Variants in KDM4C observed in about 807,000 individuals in gnomAD.
The protein encoded by KDM4C is lysine demethylase 4C.
Under a neutral mutation model 129.3 loss-of-function variants are expected in KDM4C, and 81 were observed. That is an observed-to-expected ratio of 0.63 (90% CI 0.52 to 0.75). The LOEUF is 0.75. Among genes scored for constraint, KDM4C ranks in the 30% least tolerant of loss-of-function variants. The pLI is 0.00. For synonymous variants in KDM4C, 573 were observed against 456.1 expected (o/e 1.26, Z -3.26); for missense variants, 1,457 against 1,304.0 (o/e 1.12, Z -1.81).
At chr9:6,950,060 G>C (rs1324503856) in intron 8 of KDM4C, among the ~76,000 whole-genome samples, 2 of 131,120 alleles carry the variant, frequency 1.5e-5, no homozygotes, top group Non-Finnish European at 3.2e-5. Flanking sequence ...TTTTTTTTTG[G>C]TGGAGTATCT....
chr9:7,067,529 C>T (rs759342699), intron 17 of KDM4C, among the ~76,000 whole-genome samples: 2 of 152,164 alleles, frequency 1.3e-5, no homozygotes, highest in Non-Finnish European at 2.9e-5. Flanking sequence ...AGGTGCAGGG[C>T]AACTCCAAAG....
rs7857714 is a variant in KDM4C at position 6,865,165 on chromosome 9, C to T, written c.630-14847C>T. Among the ~76,000 whole-genome samples, 508 of 152,004 alleles carry T rather than the reference C, an allele frequency of 3.3e-3. 2 individuals carry two copies. Among genetic ancestry groups the T allele is most frequent in the African/African-American group, 0.012 (478 of 41,466 alleles). On this transcript the variant is annotated intron_variant, in intron 5 of 21. Transcript: ENST00000381309. ...CTGGGACTGCAGGTGCCCGCCACCA[C>T]ACCTGGCTAATTTTTTGTATTTTTA...
chr9:6,967,346 C>T (rs1429952679), intron 8 of KDM4C, among the ~76,000 whole-genome samples: 1 of 151,456 alleles, frequency 6.6e-6, no homozygotes, highest in Admixed American at 6.6e-5. Flanking sequence ...ATCACTTGAG[C>T]CCAGGAGGCG....
intron 17 of KDM4C, among the ~76,000 whole-genome samples, chr9:7,080,286 C>A (rs1267611702): frequency 6.6e-6 from 1 of 152,146 alleles, no homozygotes; most frequent in African/African-American, 2.4e-5. Context: ...TGGAGTTGAC[C>A]TGCAAAGAGA....
At chr9:6,864,674 C>G (rs1484194458) in intron 5 of KDM4C, among the ~76,000 whole-genome samples, 2 of 151,082 alleles carry the variant, frequency 1.3e-5, no homozygotes, top group African/African-American at 2.4e-5. Flanking sequence ...TTATCTTTTT[C>G]TAGTTTTGGA....
At chr9:7,014,472 G>A (rs567081134) in intron 14 of KDM4C, 2 of 153,954 alleles carry the variant, frequency 1.3e-5, no homozygotes, top group South Asian at 2.0e-4. Flanking sequence ...GTATTCCAGG[G>A]GAGAACAGTC....
intron 8 of KDM4C, among the ~76,000 whole-genome samples, chr9:6,935,030 G>A (rs928567027): frequency 4.6e-5 from 7 of 151,772 alleles, no homozygotes; most frequent in Non-Finnish European, 7.4e-5. Flanking sequence ...ATATTACAAC[G>A]GCTAAACTGG....
At chr9:7,116,552 G>A (rs1838918942) in intron 18 of KDM4C, among the ~76,000 whole-genome samples, 2 of 152,144 alleles carry the variant, frequency 1.3e-5, no homozygotes, top group Admixed American at 6.5e-5. Context: ...TCTCTTTCAT[G>A]CACAGTGCTG....
chr9:6,934,029 T>A (rs1006564664), intron 8 of KDM4C, among the ~76,000 whole-genome samples: 5 of 151,996 alleles, frequency 3.3e-5, no homozygotes, highest in Non-Finnish European at 7.4e-5. Flanking sequence ...TTTGTACTTT[T>A]TGTAGAGATG....
At chr9:7,039,831 C>T (rs1354053200) in intron 15 of KDM4C, among the ~76,000 whole-genome samples, 3 of 152,036 alleles carry the variant, frequency 2.0e-5, no homozygotes, top group Admixed American at 6.6e-5. Context: ...GCCCAGCTGA[C>T]TCAGGGGTGG....
intron 18 of KDM4C, among the ~76,000 whole-genome samples, chr9:7,123,648 C>G (rs999167113): frequency 1.3e-5 from 2 of 152,180 alleles, no homozygotes; most frequent in Non-Finnish European, 1.5e-5. Context: ...GTAGAGTTTA[C>G]CCTGTCATTA....
chr9:6,724,228 T>C (rs2130180261), intron 1 of KDM4C, among the ~76,000 whole-genome samples: 1 of 152,292 alleles, frequency 6.6e-6, no homozygotes, highest in Middle Eastern at 3.4e-3. Flanking sequence ...GTTACACTGA[T>C]TGGAGCCTGT....
chr9:6,789,422 T>C (rs1826109180), intron 1 of KDM4C, among the ~76,000 whole-genome samples: 1 of 152,114 alleles, frequency 6.6e-6, no homozygotes, highest in South Asian at 2.1e-4. Context: ...GGTTTCTCCA[T>C]GTTGGTCAGG....
chr9:6,768,837 A>G (rs571490070), intron 1 of KDM4C, among the ~76,000 whole-genome samples: 59 of 151,772 alleles, frequency 3.9e-4, no homozygotes, highest in African/African-American at 1.3e-3. Context: ...CAGTGATGCA[A>G]TCTCTGCTCA....
At chr9:6,967,725 A>AC (rs2131664325) in intron 8 of KDM4C, among the ~76,000 whole-genome samples, 2 of 152,324 alleles carry the variant, frequency 1.3e-5, no homozygotes, top group African/African-American at 4.8e-5. Context: ...TGAGAACCAT[A>AC]CCAGAGCCCT....
chr9:7,146,226 C>T (rs905633679), intron 19 of KDM4C, among the ~76,000 whole-genome samples: 1 of 152,136 alleles, frequency 6.6e-6, no homozygotes, highest in African/African-American at 2.4e-5. Context: ...GGAAATACAT[C>T]AAAATGTTAC....
chr9:6,748,540 T>G lies in KDM4C; in HGVS notation c.49+27543T>G, dbSNP rs149478526. Among the ~76,000 whole-genome samples, 718 of 151,954 alleles carry G rather than the reference T, an allele frequency of 4.7e-3. 11 individuals are homozygous for G. Among genetic ancestry groups the G allele is most frequent in the African/African-American group, 0.016 (672 of 41,466 alleles). Reference sequence around the variant, plus strand: ...AAAAAAAAAAGATTTATTATTATTATTAGTATTATTAGTTTTAATACAAAC... The same window carrying G: ...AAAAAAAAAAGATTTATTATTATTAGTAGTATTATTAGTTTTAATACAAAC... On this transcript the variant is annotated intron_variant, in intron 1 of 17. Coordinates refer to the KDM4C transcript ENST00000536108.
chr9:6,807,925 C>G lies in KDM4C; in HGVS notation c.320+2151C>G, dbSNP rs569786878. On this transcript the variant is annotated intron_variant, in intron 3 of 21. Transcript: ENST00000381309. Reference sequence around the variant, plus strand: ...CAGCCCCCAGCCCGGCCAGCCACCCCCTCCGGGAGGGAGGTGGGGGGGTCA... The same window carrying G: ...CAGCCCCCAGCCCGGCCAGCCACCCGCTCCGGGAGGGAGGTGGGGGGGTCA... 3.0e-3 allele frequency among the ~76,000 whole-genome samples: 409 copies of G among 137,316 alleles called. 12 individuals are homozygous for G. The highest frequency in any genetic ancestry group is 0.011 in the African/African-American group (382 of 35,096). The allele number at this position is 137,316 out of a possible 152,430, so 90.1% of individuals were successfully genotyped here. A position where few individuals can be genotyped will look rare whatever the true frequency, so the allele number is the denominator to read the frequency against.
At chr9:6,757,580 T>C, upstream of KDM4C, 1 of 964,058 alleles carries the variant, frequency 1.0e-6, no homozygotes, top group South Asian at 4.8e-5. Context: ...CGCCAGGCTC[T>C]CCAGTACATT....
Sources: gnomAD v4.1 joint callset for allele counts (sites outside exome capture counted in the v4.1 genomes callset) on GRCh38, gnomAD v4.1.1 for gene constraint, MANE v1.5 for transcripts, NCBI Gene and HGNC (gene_info 2026-07-23, HGNC 2026-07-21) for gene names.